PTCHD1: variants seen among roughly 807,000 people sequenced by gnomAD.
The protein encoded by PTCHD1 is patched domain-containing protein 1.
PTCHD1 carries 3 observed loss-of-function variants against 34.6 expected under a neutral mutation model. That is an observed-to-expected ratio of 0.09 (90% CI 0.04 to 0.22). PTCHD1 has a LOEUF of 0.22. Among genes scored for constraint, PTCHD1 ranks in the 10% least tolerant of loss-of-function variants. The probability of loss-of-function intolerance (pLI) is 1.00; values close to 1 mark genes in which losing one functional copy is unlikely to be tolerated. For synonymous variants in PTCHD1, 305 were observed against 283.1 expected, an observed-to-expected ratio of 1.08 and a Z score of -0.77; for missense variants, 504 against 685.5, an observed-to-expected ratio of 0.74 and a Z score of 2.96.
chrX:23,359,633 C>T (rs1176617235), intron 1 of PTCHD1, among the ~76,000 whole-genome samples: 2 of 111,798 alleles, frequency 1.8e-5, no homozygotes, highest in Non-Finnish European at 3.8e-5. Flanking sequence ...AATTGAATAC[C>T]CTTTATTTCT....
intron 1 of PTCHD1, among the ~76,000 whole-genome samples, chrX:23,339,817 T>C (rs996538487): frequency 1.8e-5 from 2 of 112,949 alleles, no homozygotes; most frequent in Non-Finnish European, 1.9e-5. Flanking sequence ...AAGAAAGCTA[T>C]ATAGCAGAAA....
intron 1 of PTCHD1, among the ~76,000 whole-genome samples, chrX:23,343,485 C>T (rs1023158161): frequency 2.7e-5 from 3 of 111,742 alleles, no homozygotes; most frequent in Non-Finnish European, 5.6e-5. Flanking sequence ...AAAACATTGG[C>T]CACACCCATA....
intron 1 of PTCHD1, among the ~76,000 whole-genome samples, chrX:23,353,526 T>C (rs777577917): frequency 5.4e-5 from 6 of 111,560 alleles, no homozygotes; most frequent in Non-Finnish European, 1.1e-4. Flanking sequence ...GAGGCGGAGG[T>C]TGCGGTGAGC....
chrX:23,385,897 A>G (rs2146646343), intron 2 of PTCHD1, among the ~76,000 whole-genome samples: 1 of 110,884 alleles, frequency 9.0e-6, no homozygotes, highest in South Asian at 3.8e-4. Context: ...TAGCTGTATT[A>G]TATATCATAT....
intron 1 of PTCHD1, among the ~76,000 whole-genome samples, chrX:23,350,482 T>C: frequency 9.0e-6 from 1 of 111,665 alleles, no homozygotes; most frequent in East Asian, 2.8e-4. Flanking sequence ...AGGAAACAGG[T>C]GGAAGAACAA....
intron 1 of PTCHD1, among the ~76,000 whole-genome samples, chrX:23,369,514 G>A (rs2146633722): frequency 9.0e-6 from 1 of 111,423 alleles, no homozygotes; most frequent in East Asian, 2.8e-4. Context: ...TAAATTTGTG[G>A]CCATGGACAA....
chrX:23,365,124 C>T (rs1464926085), intron 1 of PTCHD1, among the ~76,000 whole-genome samples: 1 of 109,727 alleles, frequency 9.1e-6, no homozygotes, highest in East Asian at 2.9e-4. Context: ...AGCATCAGGC[C>T]ATCTACACTC....
upstream of PTCHD1, chrX:23,334,456 G>A (rs1300965759): frequency 1.8e-5 from 2 of 109,970 alleles, no homozygotes; most frequent in Non-Finnish European, 3.8e-5. Flanking sequence ...TGGCCTTGGG[G>A]GTCGGGTGAG....
intron 1 of PTCHD1, among the ~76,000 whole-genome samples, chrX:23,375,441 A>G (rs1414618543): frequency 3.6e-5 from 4 of 110,954 alleles, no homozygotes; most frequent in African/African-American, 6.6e-5. Flanking sequence ...AGGCGCACAC[A>G]CCACCACGCC....
Position 23,346,013 on chromosome X carries a change from C to G in PTCHD1, c.351+10787C>G, listed in dbSNP as rs767185781. Reference sequence around the variant, plus strand: ...ACCCTGAGATGGAGGAAGAGAGATACACCTCCCCCACAATACACACACACC... The same window carrying G: ...ACCCTGAGATGGAGGAAGAGAGATAGACCTCCCCCACAATACACACACACC... On this transcript the variant is annotated intron_variant, in intron 1 of 2. Coordinates refer to ENST00000379361, the MANE Select transcript of PTCHD1 (RefSeq NM_173495.3). Among the ~76,000 whole-genome samples the G allele has an allele frequency of 3.6e-5, 4 of 111,503 alleles. No homozygotes were observed. The Admixed American group carries it at 3.8e-4, about 11-fold the overall frequency.
rs1188055194 is a variant in PTCHD1 at position 23,403,000 on chromosome X, A to G, written c.*8815A>G. The G allele has an allele frequency of 2.7e-5, 3 of 112,737 alleles. No homozygotes were observed. Among genetic ancestry groups the G allele is most frequent in the African/African-American group, 9.7e-5 (3 of 31,065 alleles). 9.3% of individuals were successfully genotyped at this position (112,737 alleles called of 1,213,427 possible). The stretch of plus-strand genomic sequence containing the variant: ...TGAATATTTAGTAATGTTGGAAAAG[A>G]TCCTCACCCTAGACATAAAATAGTT... On this transcript the variant is annotated 3_prime_UTR_variant, in exon 3 of 3. Transcript: ENST00000379361.
Position 23,353,313 on chromosome X carries a change from A to T in PTCHD1, c.351+18087A>T, listed in dbSNP as rs1011512179. ...TGAAAAAATTTAAGCTAGGCCGGGC[A>T]CAGTGGCTCATGCCTGTAATCCCAG... is the stretch of plus-strand genomic sequence containing the variant. On this transcript the variant is annotated intron_variant, in intron 1 of 2. Coordinates refer to ENST00000379361, the MANE Select transcript of PTCHD1 (RefSeq NM_173495.3). Among the ~76,000 whole-genome samples, 4 of 112,863 alleles carry T rather than the reference A, an allele frequency of 3.5e-5. No homozygotes were observed. The South Asian group carries it at 1.1e-3, about 31-fold the overall frequency.
At chrX:23,339,279 A>G (rs762124124) in intron 1 of PTCHD1, among the ~76,000 whole-genome samples, 5 of 112,473 alleles carry the variant, frequency 4.4e-5, no homozygotes, top group African/African-American at 6.5e-5. Context: ...TTTGCAAGAT[A>G]TCATTCTTCC....
Position 23,394,433 on chromosome X carries a change from CA to C in PTCHD1, c.*249del, listed in dbSNP as rs1922929919. The C allele has an allele frequency of 3.5e-5, 11 of 316,164 alleles. No individual in the cohort carries two copies. The East Asian group carries it at 6.0e-4, about 17-fold the overall frequency. The allele number at this position is 316,164 out of a possible 1,213,427, so 26.1% of individuals were successfully genotyped here. A position where few individuals can be genotyped will look rare whatever the true frequency, so the allele number is the denominator to read the frequency against. ...AGACACACACACACACACACACACA[CA>C]CACACACACACACACACCCTGGGAG... On this transcript the variant is annotated 3_prime_UTR_variant, in exon 3 of 3. Transcript: ENST00000379361.
chrX:23,337,075 C>A (rs1438224159), intron 1 of PTCHD1, among the ~76,000 whole-genome samples: 1 of 111,821 alleles, frequency 8.9e-6, no homozygotes, highest in Non-Finnish European at 1.9e-5. Flanking sequence ...GATCTCTTTT[C>A]AACTGGATTA....
At chrX:23,351,034 C>A in intron 1 of PTCHD1, 1 of 373,407 alleles carries the variant, frequency 2.7e-6, no homozygotes, top group Non-Finnish European at 4.7e-6. Context: ...CTTTTCCTAT[C>A]CTGATTCAAA....
intron 1 of PTCHD1, among the ~76,000 whole-genome samples, chrX:23,345,806 G>C (rs1921460438): frequency 8.9e-6 from 1 of 111,948 alleles, no homozygotes; most frequent in Non-Finnish European, 1.9e-5. Flanking sequence ...GGATGAAAAA[G>C]TTGTTTGCTC....
chrX:23,353,543 C>A (rs911313559), intron 1 of PTCHD1, among the ~76,000 whole-genome samples: 1 of 111,346 alleles, frequency 9.0e-6, no homozygotes, highest in Non-Finnish European at 1.9e-5. Context: ...GAGCGGAGAT[C>A]GCGCCACTGC....
At chrX:23,368,472 A>G (rs1223291655) in intron 1 of PTCHD1, among the ~76,000 whole-genome samples, 8 of 111,963 alleles carry the variant, frequency 7.1e-5, no homozygotes, top group African/African-American at 2.3e-4. Flanking sequence ...AGGAACAAAC[A>G]CTAAAGGTTT....
Sources: gnomAD v4.1 joint callset for allele counts (sites outside exome capture counted in the v4.1 genomes callset) on GRCh38, gnomAD v4.1.1 for gene constraint, MANE v1.5 for transcripts, NCBI Gene and HGNC (gene_info 2026-07-23, HGNC 2026-07-21) for gene names.